TNN: variants seen among roughly 807,000 people sequenced by gnomAD.
TNN encodes the protein tenascin N.
Under a neutral mutation model 134.4 loss-of-function variants are expected in TNN, and 122 were observed. That is an observed-to-expected ratio of 0.91 (90% CI 0.78 to 1.06). The LOEUF (loss-of-function observed/expected upper bound fraction) is 1.06, where lower values mean the gene tolerates loss of function less well. Ranked by LOEUF, TNN falls within the 50% of genes least tolerant of loss-of-function variation. The pLI is 0.00. For synonymous variants in TNN, 710 were observed against 670.3 expected, an observed-to-expected ratio of 1.06 and a Z score of -0.91; for missense variants, 1,739 against 1,699.4, an observed-to-expected ratio of 1.02 and a Z score of -0.41.
intron 15 of TNN, among the ~76,000 whole-genome samples, chr1:175,133,770 C>G (rs180924369): frequency 1.1e-4 from 17 of 152,256 alleles, no homozygotes; most frequent in Admixed American, 9.2e-4. Flanking sequence ...CAAATTCCAG[C>G]GACTGAACAA....
intron 9 of TNN, among the ~76,000 whole-genome samples, chr1:175,101,888 A>G (rs1255205701): frequency 1.4e-5 from 2 of 140,874 alleles, no homozygotes; most frequent in East Asian, 2.5e-4. Context: ...TGATTGGTGT[A>G]TTTACAAACC....
At chr1:175,087,378 A>T (rs945695334) in intron 6 of TNN, among the ~76,000 whole-genome samples, 2 of 152,356 alleles carry the variant, frequency 1.3e-5, no homozygotes, top group African/African-American at 4.8e-5. Flanking sequence ...GATAAGGTGA[A>T]CGTGGAGTAG....
intron 9 of TNN, among the ~76,000 whole-genome samples, chr1:175,111,591 A>C (rs1410922442): frequency 6.6e-6 from 1 of 151,486 alleles, no homozygotes; most frequent in Non-Finnish European, 1.5e-5. Context: ...TTTTGGGAGT[A>C]CAATTTTTTT....
At chr1:175,117,634 CA>C (rs1675219839) in intron 10 of TNN, among the ~76,000 whole-genome samples, 1 of 152,120 alleles carries the variant, frequency 6.6e-6, no homozygotes, top group African/African-American at 2.4e-5. Context: ...ACAAATGAAT[CA>C]CATTATAACT....
intron 1 of TNN, among the ~76,000 whole-genome samples, chr1:175,072,250 C>A (rs537541938): frequency 1.3e-5 from 2 of 152,284 alleles, no homozygotes; most frequent in Admixed American, 1.3e-4. Flanking sequence ...TCCCTCCCAC[C>A]TTCCCACACC....
intron 4 of TNN, among the ~76,000 whole-genome samples, chr1:175,082,264 C>T (rs1245369183): frequency 2.0e-5 from 3 of 152,210 alleles, no homozygotes; most frequent in Admixed American, 6.5e-5. Context: ...CCTCATCCAT[C>T]TTGCTCTCGG....
intron 11 of TNN, among the ~76,000 whole-genome samples, chr1:175,119,586 A>G (rs1164961575): frequency 6.6e-6 from 1 of 151,708 alleles, no homozygotes; most frequent in Non-Finnish European, 1.5e-5. Context: ...CATGTCTGAC[A>G]AAACTATAGT....
At chr1:175,099,077 C>A (rs1352605859) in intron 9 of TNN, among the ~76,000 whole-genome samples, 4 of 152,154 alleles carry the variant, frequency 2.6e-5, no homozygotes, top group South Asian at 2.1e-4. Flanking sequence ...AATATCTAGT[C>A]ATTTTTAGTC....
intron 9 of TNN, among the ~76,000 whole-genome samples, chr1:175,105,813 C>T (rs1030395094): frequency 2.1e-5 from 3 of 144,950 alleles, no homozygotes; most frequent in Admixed American, 6.9e-5. Context: ...AAGACAAAAC[C>T]GCCCACAGTT....
In TNN at chr1:175,067,887, C is replaced by G. The variant is rs747800369; in HGVS notation, c.-84C>G. On this transcript the variant is annotated 5_prime_UTR_variant, in exon 1 of 19. Coordinates refer to ENST00000239462, the MANE Select transcript of TNN (RefSeq NM_022093.2). The stretch of plus-strand genomic sequence containing the variant: ...ACCAAGGTCTGCGGCAGGAGGAGAC[C>G]GGCTCACAGGAGCAGCAGCATTGGA... The G allele has an allele frequency of 2.0e-6, 1 of 500,056 alleles. No individual in the cohort carries two copies. The highest frequency in any genetic ancestry group is 1.9e-5 in the African/African-American group (1 of 51,662). 31.0% of individuals were successfully genotyped at this position (500,056 alleles called of 1,614,324 possible).
At chr1:175,086,227 CAA>C in intron 6 of TNN, among the ~76,000 whole-genome samples, 1 of 152,212 alleles carries the variant, frequency 6.6e-6, no homozygotes, top group Admixed American at 6.5e-5. Context: ...TCTAAAATGT[CAA>C]AAGATATTAA....
chr1:175,068,926 A>C (rs1440840135), intron 1 of TNN, among the ~76,000 whole-genome samples: 6 of 152,170 alleles, frequency 3.9e-5, no homozygotes, highest in Admixed American at 3.9e-4. Context: ...AAAACAAAAC[A>C]AAGCAAACAA....
At chr1:175,091,810 G>T (rs188823742) in intron 6 of TNN, among the ~76,000 whole-genome samples, 2 of 151,994 alleles carry the variant, frequency 1.3e-5, no homozygotes, top group Non-Finnish European at 2.9e-5. Context: ...GGCTAGTCTC[G>T]AACTCCTGGC....
At chr1:175,142,365 C>A (rs1047525770) in intron 17 of TNN, among the ~76,000 whole-genome samples, 36 of 152,338 alleles carry the variant, frequency 2.4e-4, no homozygotes, top group South Asian at 1.2e-3. Context: ...TCACCCCACC[C>A]ACTCCAAAAA....
At chr1:175,121,135 C>G (rs916989024) in intron 11 of TNN, among the ~76,000 whole-genome samples, 1 of 152,138 alleles carries the variant, frequency 6.6e-6, no homozygotes, top group Non-Finnish European at 1.5e-5. Context: ...TTTGGATTAG[C>G]CACATTTCAA....
At chr1:175,074,538 T>A (rs922818133) in intron 1 of TNN, among the ~76,000 whole-genome samples, 9 of 148,264 alleles carry the variant, frequency 6.1e-5, no homozygotes, top group Non-Finnish European at 1.0e-4. Context: ...TTACCCATGG[T>A]CCAAGTCACA....
Position 175,128,729 on chromosome 1 carries a change from G to A in TNN, c.3313G>A (p.Asp1105Asn). The A allele has an allele frequency of 1.2e-6, 2 of 1,613,416 alleles. No individual in the cohort carries two copies. Among genetic ancestry groups the A allele is most frequent in the Non-Finnish European group, 1.7e-6 (2 of 1,179,594 alleles). The change falls in exon 15 of 19, where the codon GAC becomes AAC. Residue 1105 changes from aspartate (D) to asparagine (N), a missense_variant. By Grantham distance (23) the Asp-to-Asn change is conservative. Transcript: ENST00000239462. ...PLQVYCDMET[D>N]GGGWIVFQRR... ...GCAGGTGTACTGTGACATGGAAACG[G>A]ACGGAGGTGGCTGGATTGTGAGTCA...
chr1:175,127,038 A>T lies in TNN; in HGVS notation c.2998A>T (p.Ile1000Phe), dbSNP rs1004450289. 8.1e-6 allele frequency: 13 copies of T among 1,614,008 alleles called. No homozygotes were observed. In the African/African-American group the frequency reaches 1.7e-4, roughly 22 times the overall value. The change falls in exon 13 of 19, where the codon ATC (isoleucine) becomes TTC (phenylalanine). Residue 1000 changes from isoleucine to phenylalanine, a missense_variant. Ile to Phe is a conservative substitution (Grantham distance 21, BLOSUM62 0). Transcript: ENST00000239462. Reference sequence around the variant, plus strand: ...GACCTGGACGCCCCCCTCTGCTCAGATCCACGGCTACATTCTGACTTACCA... The same window carrying T: ...GACCTGGACGCCCCCCTCTGCTCAGTTCCACGGCTACATTCTGACTTACCA... ...ILTWTPPSAQ[I>F]HGYILTYQFP...
intron 9 of TNN, among the ~76,000 whole-genome samples, chr1:175,111,136 G>T (rs1342729326): frequency 6.6e-6 from 1 of 152,114 alleles, no homozygotes; most frequent in Non-Finnish European, 1.5e-5. Flanking sequence ...TGGCCAACAC[G>T]GTGAAACTCC....
Sources: allele counts gnomAD v4.1 joint callset (sites outside exome capture counted in the v4.1 genomes callset), GRCh38; gene constraint gnomAD v4.1.1; transcripts MANE v1.5; gene names NCBI Gene and HGNC (gene_info 2026-07-23, HGNC 2026-07-21).